SREBF1: variants seen among roughly 807,000 people sequenced by gnomAD.
SREBF1 encodes sterol regulatory element-binding protein 1.
In SREBF1, 45 loss-of-function variants were observed where a neutral mutation model predicts 100.1. The ratio of observed to expected loss-of-function variants is 0.45; its 90% confidence interval spans 0.35 to 0.58. The LOEUF is 0.58. Among genes scored for constraint, SREBF1 ranks in the 20% least tolerant of loss-of-function variants. The probability of loss-of-function intolerance (pLI) is 0.00; values close to 1 mark genes in which losing one functional copy is unlikely to be tolerated. For synonymous variants in SREBF1, 657 were observed against 681.8 expected (o/e 0.96, Z 0.57); for missense variants, 1,324 against 1,539.4 (o/e 0.86, Z 2.34).
At position 17,819,190 on chromosome 17, in the gene SREBF1, G is replaced by A. The variant is rs996986161; in HGVS notation, c.891C>T (p.Val297=). ...GGTILATVPL[V]VDAEKLPINR... is the part of the protein sequence containing the mutation. ...TGATAGGCAGCTTCTCCGCATCTACGACCAGTGGGACTGTTGCCAAGATGG... is the reference window on the plus strand; with the variant it reads ...TGATAGGCAGCTTCTCCGCATCTACAACCAGTGGGACTGTTGCCAAGATGG... Residue 297 remains valine (V), a synonymous_variant, in exon 5 of 19, where the codon GTC becomes GTT. Coordinates refer to ENST00000261646, the MANE Select transcript of SREBF1 (RefSeq NM_004176.5). 13 of 1,614,106 alleles carry A rather than the reference G, an allele frequency of 8.1e-6. No homozygotes were observed. The African/African-American group carries it at 9.3e-5, about 12-fold the overall frequency.
intron 1 of SREBF1, among the ~76,000 whole-genome samples, chr17:17,835,371 A>G (rs2035162026): frequency 6.6e-6 from 1 of 152,194 alleles, no homozygotes; most frequent in Non-Finnish European, 1.5e-5. Context: ...CCTCACAATC[A>G]GGGCCTCTCC....
At chr17:17,835,052 G>A (rs1020538862) in intron 1 of SREBF1, among the ~76,000 whole-genome samples, 3 of 152,172 alleles carry the variant, frequency 2.0e-5, no homozygotes, top group Non-Finnish European at 2.9e-5. Flanking sequence ...TGTCCAACTT[G>A]CCCATGAAGG....
chr17:17,813,374 T>G lies in SREBF1; in HGVS notation c.3208A>C (p.Lys1070Gln), dbSNP rs2033156174. 1 of 1,595,414 alleles carries G rather than the reference T, an allele frequency of 6.3e-7. No individual in the cohort carries two copies. Among genetic ancestry groups the G allele is most frequent in the South Asian group, 1.1e-5 (1 of 88,706 alleles). The change falls in exon 18 of 19, where the codon AAA becomes CAA. Residue 1070 changes from lysine (K) to glutamine (Q), a missense_variant. Physicochemically the swap from Lys to Gln is moderately conservative, Grantham distance 53. Transcript: ENST00000261646. ...TCAGCAGCTGCCCCCTCACCTCCTT[T>G]GCCACCGGGGCCTGCCCGCCGCCTC... The part of the protein sequence containing the change: ...SLRRRAGPGG[K>Q]GGAVAELEPR...
chr17:17,825,753 G>A (rs1044884064), intron 1 of SREBF1, among the ~76,000 whole-genome samples: 2 of 151,968 alleles, frequency 1.3e-5, no homozygotes, highest in African/African-American at 4.8e-5. Context: ...GATTACAGGT[G>A]TGCGCCACCA....
At chr17:17,835,661 C>T (rs2035179665) in intron 1 of SREBF1, among the ~76,000 whole-genome samples, 1 of 152,248 alleles carries the variant, frequency 6.6e-6, no homozygotes. Context: ...GCACAGAAAC[C>T]ATGCAGGCAA....
chr17:17,818,420 G>T, intron 5 of SREBF1, 46 bp from the exon 6 acceptor site: 2 of 1,484,064 alleles, frequency 1.3e-6, no homozygotes, highest in Non-Finnish European at 1.9e-6. Context: ...GGCCTGTCAG[G>T]TCGGGGGTTG....
intron 1 of SREBF1, among the ~76,000 whole-genome samples, chr17:17,836,218 G>A (rs1328065234): frequency 6.6e-6 from 1 of 152,262 alleles, no homozygotes; most frequent in African/African-American, 2.4e-5. Flanking sequence ...GCCCGTCGCA[G>A]ACCGGGAGAA....
At chr17:17,827,968 C>CA (rs986543882) in intron 1 of SREBF1, among the ~76,000 whole-genome samples, 16 of 152,352 alleles carry the variant, frequency 1.1e-4, no homozygotes, top group Admixed American at 3.9e-4. Flanking sequence ...ACCACCCCCC[C>CA]AGACCTATCC....
In SREBF1 at chr17:17,811,785, C is replaced by T; in HGVS notation, c.*837G>A. On this transcript the variant is annotated 3_prime_UTR_variant, in exon 19 of 19. Transcript: ENST00000261646. ...CCATCCTCCCGTGCCACCCAGGGAC[C>T]TGATGGGGACAGAGCTGGGAGGTGA... is the stretch of plus-strand genomic sequence containing the variant. 2.2e-6 allele frequency: 1 copy of T among 454,786 alleles called. No homozygotes were observed. Among genetic ancestry groups the T allele is most frequent in the Non-Finnish European group, 4.4e-6 (1 of 226,210 alleles). The allele number at this position is 454,786 out of a possible 1,614,324, so 28.2% of individuals were successfully genotyped here.
At chr17:17,823,690 A>AGCCCC (rs2034288637) in intron 1 of SREBF1, 5 of 745,256 alleles carry the variant, frequency 6.7e-6, no homozygotes, top group Admixed American at 1.6e-4. Flanking sequence ...GCCCCGCCCC[A>AGCCCC]GCCCCGCCCC....
At chr17:17,819,482 G>A (rs765744562) in intron 3 of SREBF1, 28 bp from the exon 4 acceptor site, 3 of 1,613,380 alleles carry the variant, frequency 1.9e-6, no homozygotes, top group East Asian at 2.2e-5. Context: ...TTGGCTGTAA[G>A]CTGTGTGTCT....
Position 17,813,560 on chromosome 17 carries a change from G to A in SREBF1, c.3102+9C>T. 1 of 1,595,738 alleles carries A rather than the reference G, an allele frequency of 6.3e-7. No homozygotes were observed. Among genetic ancestry groups the A allele is most frequent in the Non-Finnish European group, 8.5e-7 (1 of 1,173,240 alleles). ...CCCCGTCTTGAGGACAGGGCCATCG[G>A]GCACTCACCCTCCGCATGGCGGGCC... On this transcript the variant is annotated intron_variant, in intron 17 of 18. Transcript: ENST00000261646.
chr17:17,827,826 C>T (rs2034584208), intron 1 of SREBF1, among the ~76,000 whole-genome samples: 1 of 152,234 alleles, frequency 6.6e-6, no homozygotes, highest in Non-Finnish European at 1.5e-5. Context: ...CTCCGGCCTG[C>T]CTCTGCCCTG....
chr17:17,821,987 G>A (rs1308820845), intron 1 of SREBF1, among the ~76,000 whole-genome samples: 1 of 152,228 alleles, frequency 6.6e-6, no homozygotes, highest in Non-Finnish European at 1.5e-5. Flanking sequence ...GCTGTAGAGA[G>A]GTGACTTACT....
rs1488834309 is a variant in SREBF1 at position 17,817,991 on chromosome 17, G to A, written c.1184-75C>T. 6.8e-7 allele frequency: 1 copy of A among 1,468,190 alleles called. No individual in the cohort carries two copies. Among genetic ancestry groups the A allele is most frequent in the Non-Finnish European group, 9.4e-7 (1 of 1,061,146 alleles). The allele number at this position is 1,468,190 out of a possible 1,614,324, so 90.9% of individuals were successfully genotyped here. ...CCAAATCAGAGCCTAGGCCCTTGGA[G>A]GCCTAGGGACTACTGTAGCTCCTAA... is the stretch of plus-strand genomic sequence containing the variant. On this transcript the variant is annotated intron_variant, in intron 6 of 18. Coordinates refer to ENST00000261646, the MANE Select transcript of SREBF1 (RefSeq NM_004176.5). The surrounding 1 kb of genome is among the most constrained non-coding windows in gnomAD (Gnocchi z 6.6).
At position 17,812,101 on chromosome 17, in the gene SREBF1, C is replaced by A. The variant is rs73981076; in HGVS notation, c.*521G>T. 2,705 of 433,126 alleles carry A rather than the reference C, an allele frequency of 6.2e-3. 81 individuals are homozygous for A. Among genetic ancestry groups the A allele is most frequent in the African/African-American group, 0.051 (2,470 of 48,204 alleles). 26.8% of individuals were successfully genotyped at this position (433,126 alleles called of 1,614,324 possible). ...ATTATAAATAATTTCATTTTTAATT[C>A]TCTGTACAAAACTTCTCAATCTATG... On this transcript the variant is annotated 3_prime_UTR_variant, in exon 19 of 19. Coordinates refer to ENST00000261646, the MANE Select transcript of SREBF1 (RefSeq NM_004176.5).
In SREBF1 at chr17:17,814,439, G is replaced by C. The variant is rs368548565; in HGVS notation, c.2736-29C>G. 1.9e-6 allele frequency: 3 copies of C among 1,549,524 alleles called. No individual in the cohort carries two copies. In the African/African-American group the frequency reaches 4.1e-5, roughly 21 times the overall value. On this transcript the variant is annotated intron_variant, in intron 15 of 18. Transcript: ENST00000261646. ...TTGGGACCAGGGCAGAAGAGTGCCA[G>C]TCAGACCAGTCCACAAGCCCTGGCT...
Position 17,819,419 on chromosome 17 carries a change from CG to C in SREBF1, c.746del (p.Ser249CysfsTer4). On this transcript the variant is annotated frameshift_variant, in exon 4 of 19. Transcript: ENST00000261646. LOFTEE classifies it high-confidence loss of function. ...CTGTCTTCATGGCTGTCAGAAGCAG[CG>C]AGTCTGCCTTGATGAAGTGGGGCTG... ...LLQPHFIKAD[S>X]LLLTAMKTDG... The C allele has an allele frequency of 6.2e-7, 1 of 1,613,792 alleles. No individual in the cohort carries two copies. The highest frequency in any genetic ancestry group is 8.5e-7 in the Non-Finnish European group (1 of 1,180,044).
intron 1 of SREBF1, among the ~76,000 whole-genome samples, chr17:17,827,109 A>T (rs188182123): frequency 8.9e-4 from 135 of 152,324 alleles, no homozygotes; most frequent in African/African-American, 3.0e-3. Context: ...AGGGCAGAAG[A>T]AACAGTGTGT....
Sources: allele counts gnomAD v4.1 joint callset (sites outside exome capture counted in the v4.1 genomes callset), GRCh38; gene constraint gnomAD v4.1.1; non-coding constraint Gnocchi (gnomAD v3.1); transcripts MANE v1.5; gene names NCBI Gene and HGNC (gene_info 2026-07-23, HGNC 2026-07-21).